TMEM132D: variants seen among roughly 807,000 people sequenced by gnomAD.
TMEM132D encodes mature OL transmembrane protein.
TMEM132D carries 21 observed loss-of-function variants against 62.3 expected under a neutral mutation model. The ratio of observed to expected loss-of-function variants is 0.34; its 90% CI spans 0.24 to 0.49. The LOEUF is 0.49. Among genes scored for constraint, TMEM132D ranks in the 20% least tolerant of loss-of-function variants. TMEM132D has a pLI of 0.99. For synonymous variants in TMEM132D, 621 were observed against 575.6 expected (o/e 1.08, Z -1.13); for missense variants, 1,346 against 1,402.8 (o/e 0.96, Z 0.65).
intron 2 of TMEM132D, among the ~76,000 whole-genome samples, chr12:129,672,489 G>A (rs1246768110): frequency 6.6e-6 from 1 of 152,146 alleles, no homozygotes; most frequent in Admixed American, 6.6e-5. Context: ...ACAACAGTTA[G>A]TGTTCCGTAC....
At chr12:129,652,281 T>C (rs1012564946) in intron 2 of TMEM132D, among the ~76,000 whole-genome samples, 1 of 152,240 alleles carries the variant, frequency 6.6e-6, no homozygotes, top group East Asian at 1.9e-4. Flanking sequence ...CTAAGAATTG[T>C]TGATGTAGAG....
chr12:129,663,088 C>T (rs1880283306), intron 2 of TMEM132D, among the ~76,000 whole-genome samples: 1 of 151,828 alleles, frequency 6.6e-6, no homozygotes, highest in African/African-American at 2.4e-5. Flanking sequence ...GACACCGTTC[C>T]AGGCAGAAGA....
rs888730868 is a variant in TMEM132D, at chr12:129,835,740, G to A, written c.79+67521C>T. 2.6e-5 allele frequency among the ~76,000 whole-genome samples: 4 copies of A among 152,292 alleles called. 1 individual carries two copies. The highest frequency in any genetic ancestry group is 4.1e-4 in the South Asian group (2 of 4,826). ...CATCTGTGGCACACCTAATACTCAC[G>A]CGCCTTCCCATATTTTCCCCAATGC... is the stretch of plus-strand genomic sequence containing the variant. On this transcript the variant is annotated intron_variant, in intron 1 of 8. Coordinates refer to ENST00000422113, the MANE Select transcript of TMEM132D (RefSeq NM_133448.3).
intron 2 of TMEM132D, among the ~76,000 whole-genome samples, chr12:129,547,173 C>A (rs1472382210): frequency 1.3e-5 from 2 of 152,158 alleles, no homozygotes; most frequent in African/African-American, 4.8e-5. Flanking sequence ...GGCAGCATCA[C>A]CCCCGTCTCT....
chr12:129,258,458 A>C (rs1406942619), intron 4 of TMEM132D, among the ~76,000 whole-genome samples: 1 of 152,202 alleles, frequency 6.6e-6, no homozygotes, highest in Admixed American at 6.5e-5. Flanking sequence ...TTGAGAAATA[A>C]ATCACTCATA....
At chr12:129,606,925 C>T (rs1026963524) in intron 2 of TMEM132D, among the ~76,000 whole-genome samples, 2 of 152,174 alleles carry the variant, frequency 1.3e-5, no homozygotes, top group Non-Finnish European at 2.9e-5. Flanking sequence ...GTGGCAGGTG[C>T]ATTGTTCATT....
chr12:129,898,904 C>T (rs753049204), intron 1 of TMEM132D, among the ~76,000 whole-genome samples: 80 of 152,254 alleles, frequency 5.3e-4, no homozygotes, highest in Non-Finnish European at 1.1e-3. Flanking sequence ...ATGATGAATA[C>T]GAAACTGCCC....
chr12:129,084,614 A>C lies in TMEM132D; in HGVS notation c.1532T>G (p.Leu511Arg). ...NVVVNFTYQH[L>R]SSPLEMTVWV... Reference sequence around the variant, plus strand: ...CACCGTCATCTCCAGGGGGCTGCTCAGGTGCTGGTAGGTGAAGTTCACCAC... The same window carrying C: ...CACCGTCATCTCCAGGGGGCTGCTCCGGTGCTGGTAGGTGAAGTTCACCAC... Residue 511 changes from leucine (L) to arginine (R), a missense_variant, in exon 6 of 9, where the codon CTG (leucine) becomes CGG (arginine). Transcript: ENST00000422113. 1 of 1,614,142 alleles carries C rather than the reference A, an allele frequency of 6.2e-7. No homozygotes were observed. Among genetic ancestry groups the C allele is most frequent in the Non-Finnish European group, 8.5e-7 (1 of 1,180,012 alleles).
intron 1 of TMEM132D, among the ~76,000 whole-genome samples, chr12:129,788,480 A>AT (rs1275114394): frequency 6.6e-6 from 1 of 152,246 alleles, no homozygotes; most frequent in Admixed American, 6.5e-5. Context: ...AATAATCATG[A>AT]TTTTTCAGCA....
chr12:129,614,821 A>G (rs1445957882), intron 2 of TMEM132D, among the ~76,000 whole-genome samples: 1 of 152,216 alleles, frequency 6.6e-6, no homozygotes, highest in Non-Finnish European at 1.5e-5. Context: ...AGAAATGTGG[A>G]TTTCATGTGA....
chr12:129,645,898 A>G (rs1879765499), intron 2 of TMEM132D, among the ~76,000 whole-genome samples: 1 of 152,140 alleles, frequency 6.6e-6, no homozygotes, highest in African/African-American at 2.4e-5. Flanking sequence ...GTTCCCCTAT[A>G]TGTTCTAAAA....
chr12:129,325,784 A>T (rs1425335274), intron 4 of TMEM132D, among the ~76,000 whole-genome samples: 1 of 152,178 alleles, frequency 6.6e-6, no homozygotes, highest in Non-Finnish European at 1.5e-5. Context: ...AGTCACAAAC[A>T]TGCCCTTAAA....
At chr12:129,201,424 G>A (rs1183290836) in intron 5 of TMEM132D, among the ~76,000 whole-genome samples, 1 of 152,132 alleles carries the variant, frequency 6.6e-6, no homozygotes, top group Admixed American at 6.5e-5. Context: ...AGAGTCCACT[G>A]CCCTTCTCTG....
intron 1 of TMEM132D, among the ~76,000 whole-genome samples, chr12:129,872,725 C>T (rs1040990483): frequency 1.3e-5 from 2 of 152,276 alleles, no homozygotes; most frequent in African/African-American, 2.4e-5. Context: ...AATGTACCGA[C>T]GTAAGCTCCA....
At chr12:129,353,308 T>C (rs1027518681) in intron 3 of TMEM132D, among the ~76,000 whole-genome samples, 8 of 152,018 alleles carry the variant, frequency 5.3e-5, no homozygotes, top group Non-Finnish European at 1.0e-4. Context: ...ATTGGTAAAA[T>C]GTATGAAGCA....
At position 129,252,937 on chromosome 12, in the gene TMEM132D, A is replaced by G. The variant is rs1880307247; in HGVS notation, c.1300-43274T>C. On this transcript the variant is annotated intron_variant, in intron 4 of 8. Coordinates refer to ENST00000422113, the MANE Select transcript of TMEM132D (RefSeq NM_133448.3). ...ACCATCATTCTCAGGAAACTATCGC[A>G]AGGACAAAAAAACCAAACACCGCAA... is the stretch of plus-strand genomic sequence containing the variant. 4.0e-5 allele frequency among the ~76,000 whole-genome samples: 6 copies of G among 151,634 alleles called. No homozygotes were observed. In the South Asian group the frequency reaches 1.3e-3, roughly 32 times the overall value.
chr12:129,734,907 A>C (rs186779383), intron 1 of TMEM132D, among the ~76,000 whole-genome samples: 1 of 152,294 alleles, frequency 6.6e-6, no homozygotes, highest in East Asian at 1.9e-4. Context: ...GTAACAAAGG[A>C]ACTGGAACTA....
intron 1 of TMEM132D, among the ~76,000 whole-genome samples, chr12:129,881,045 C>A (rs1874576615): frequency 6.6e-6 from 1 of 151,738 alleles, no homozygotes; most frequent in Non-Finnish European, 1.5e-5. Context: ...CACCAAGTGA[C>A]CTGAAGTAGT....
chr12:129,142,403 A>G lies in TMEM132D; in HGVS notation c.1444-57701T>C, dbSNP rs1876771013. On this transcript the variant is annotated intron_variant, in intron 5 of 8. Coordinates refer to ENST00000422113, the MANE Select transcript of TMEM132D (RefSeq NM_133448.3). ...ATGGACAGTCACAGCATTAGATCTC[A>G]TTTATATGCACCCTTGTCATCTATG... Among the ~76,000 whole-genome samples the G allele has an allele frequency of 2.0e-5, 3 of 152,212 alleles. No homozygotes were observed. In the South Asian group the frequency reaches 6.2e-4, roughly 32 times the overall value.
Sources: gnomAD v4.1 joint callset for allele counts (sites outside exome capture counted in the v4.1 genomes callset) on GRCh38, gnomAD v4.1.1 for gene constraint, MANE v1.5 for transcripts, NCBI Gene and HGNC (gene_info 2026-07-23, HGNC 2026-07-21) for gene names.